The following HORMAD2 variants were observed in gnomAD, a reference collection of about 807,000 sequenced individuals.
HORMAD2 encodes HORMA domain-containing protein 2.
A neutral mutation model predicts 38.8 loss-of-function variants in HORMAD2; 45 were observed. That is an observed-to-expected ratio of 1.16 (90% confidence interval 0.91 to 1.49). The LOEUF (loss-of-function observed/expected upper bound fraction) is 1.49. Among genes scored for constraint, HORMAD2 ranks in the 40% most tolerant of loss-of-function variants. HORMAD2 has a pLI of 0.00. For missense variants in HORMAD2, 338 were observed against 367.0 expected (o/e 0.92, Z 0.65); for synonymous variants, 126 against 122.8 (o/e 1.03, Z -0.17).
intron 10 of HORMAD2, among the ~76,000 whole-genome samples, chr22:30,170,429 CTGCTTTTAGT>C (rs1447362517): frequency 6.6e-6 from 1 of 152,142 alleles, no homozygotes; most frequent in African/African-American, 2.4e-5. Flanking sequence ...CTGTGAGGCT[CTGCTTTTAGT>C]AGGCTGACAC....
intron 10 of HORMAD2, among the ~76,000 whole-genome samples, chr22:30,169,414 A>G (rs1925977037): frequency 6.6e-6 from 1 of 152,242 alleles, no homozygotes; most frequent in Admixed American, 6.5e-5. Context: ...GATGCCTTAG[A>G]GAAGGGAGTA....
At chr22:30,142,921 T>G (rs5997580) in intron 10 of HORMAD2, among the ~76,000 whole-genome samples, 32 of 152,322 alleles carry the variant, frequency 2.1e-4, no homozygotes, top group African/African-American at 7.5e-4. Context: ...TTAATTCCAG[T>G]GAGACATGGC....
intron 10 of HORMAD2, among the ~76,000 whole-genome samples, chr22:30,132,077 T>C (rs1923322047): frequency 6.6e-6 from 1 of 152,230 alleles, no homozygotes; most frequent in Admixed American, 6.5e-5. Context: ...ATTCAAAACC[T>C]ATTGTCTCCC....
At chr22:30,152,235 T>C (rs1440286154) in intron 10 of HORMAD2, among the ~76,000 whole-genome samples, 5 of 152,158 alleles carry the variant, frequency 3.3e-5, no homozygotes, top group Non-Finnish European at 7.4e-5. Flanking sequence ...TCTCGCTCTG[T>C]TGCCCAGGCT....
intron 10 of HORMAD2, among the ~76,000 whole-genome samples, chr22:30,149,366 A>G (rs966892203): frequency 2.6e-5 from 4 of 152,244 alleles, no homozygotes; most frequent in African/African-American, 2.4e-5. Context: ...AAATAAAACA[A>G]TAAGTTCAGT....
chr22:30,181,791 C>A (rs1345892543), downstream of HORMAD2, among the ~76,000 whole-genome samples: 1 of 152,200 alleles, frequency 6.6e-6, no homozygotes, highest in African/African-American at 2.4e-5. Flanking sequence ...AATGCTCTAG[C>A]AAATTGCCTG....
the HORMAD2 span, among the ~76,000 whole-genome samples, chr22:30,188,548 ATG>A: frequency 2.5e-4 from 38 of 152,364 alleles, no homozygotes; most frequent in African/African-American, 8.9e-4. Context: ...TTACTTTTGT[ATG>A]TACATAAATT....
chr22:30,105,370 CT>C, intron 5 of HORMAD2: 1 of 160,700 alleles, frequency 6.2e-6, no homozygotes, highest in Non-Finnish European at 1.4e-5. Flanking sequence ...CCTTGTGGCC[CT>C]TGTTGAGGCC....
the HORMAD2 span, among the ~76,000 whole-genome samples, chr22:30,185,075 G>A: frequency 1.3e-5 from 2 of 152,200 alleles, no homozygotes; most frequent in African/African-American, 4.8e-5. Context: ...TAACAACCAG[G>A]AGATAGAAGC....
At chr22:30,121,919 A>G in intron 9 of HORMAD2, 45 bp from the exon 10 acceptor site, 2 of 1,584,180 alleles carry the variant, frequency 1.3e-6, no homozygotes, top group Non-Finnish European at 1.7e-6. Flanking sequence ...GATTTGTTGT[A>G]TTGAAACTCA....
intron 1 of HORMAD2, among the ~76,000 whole-genome samples, chr22:30,091,271 T>C (rs1009811227): frequency 1.3e-3 from 190 of 146,260 alleles, no homozygotes; most frequent in African/African-American, 4.3e-3. Context: ...TCTTTCTTTT[T>C]TTTTTTTTTT....
chr22:30,147,459 A>C (rs1449387161), intron 10 of HORMAD2, among the ~76,000 whole-genome samples: 1 of 152,040 alleles, frequency 6.6e-6, no homozygotes, highest in Non-Finnish European at 1.5e-5. Context: ...CATTGTACAC[A>C]AGATTGACTA....
the HORMAD2 span, among the ~76,000 whole-genome samples, chr22:30,198,448 C>T: frequency 1.0e-3 from 152 of 152,234 alleles, no homozygotes; most frequent in South Asian, 2.7e-3. Context: ...ACCTGAATGC[C>T]TGAGTGTCTC....
the HORMAD2 span, among the ~76,000 whole-genome samples, chr22:30,191,854 A>G: frequency 6.6e-6 from 1 of 152,204 alleles, no homozygotes; most frequent in Non-Finnish European, 1.5e-5. Flanking sequence ...TGTGGTGTAG[A>G]TTAATCATCT....
intron 10 of HORMAD2, among the ~76,000 whole-genome samples, chr22:30,131,536 A>G (rs1435953409): frequency 6.6e-6 from 1 of 152,196 alleles, no homozygotes; most frequent in Non-Finnish European, 1.5e-5. Flanking sequence ...TCACTGAAGC[A>G]TAAATAATTC....
intron 10 of HORMAD2, among the ~76,000 whole-genome samples, chr22:30,148,843 A>G (rs988031771): frequency 6.6e-6 from 1 of 152,162 alleles, no homozygotes; most frequent in Non-Finnish European, 1.5e-5. Flanking sequence ...TCTCTACTAA[A>G]AATACAAAAA....
intron 10 of HORMAD2, among the ~76,000 whole-genome samples, chr22:30,134,928 G>A (rs1923555698): frequency 6.6e-6 from 1 of 152,038 alleles, no homozygotes; most frequent in Non-Finnish European, 1.5e-5. Context: ...GCCCACAAAA[G>A]GCTGTGTATA....
chr22:30,116,578 C>T (rs1244255931), intron 7 of HORMAD2, among the ~76,000 whole-genome samples: 1 of 152,080 alleles, frequency 6.6e-6, no homozygotes, highest in African/African-American at 2.4e-5. Context: ...AATGGTTCAT[C>T]TTTATTAGGC....
At chr22:30,089,974 T>C (rs754191113) in intron 1 of HORMAD2, among the ~76,000 whole-genome samples, 25 of 152,376 alleles carry the variant, frequency 1.6e-4, no homozygotes, top group Non-Finnish European at 2.9e-4. Context: ...TGGGATCATA[T>C]AATATTTGTC....
Sources: allele counts gnomAD v4.1 joint callset (sites outside exome capture counted in the v4.1 genomes callset), GRCh38; gene constraint gnomAD v4.1.1; transcripts MANE v1.5; gene names NCBI Gene and HGNC (gene_info 2026-07-23, HGNC 2026-07-21).